Variants in B3GALT1 observed in about 807,000 individuals in gnomAD.
The protein encoded by B3GALT1 is UDP-Gal:betaGlcNAc beta 1,3-galactosyltransferase, polypeptide 1.
In B3GALT1, 10 loss-of-function variants were observed where a neutral mutation model predicts 23.2. The observed-to-expected ratio is 0.43, with a 90% confidence interval of 0.27 to 0.73. B3GALT1 has a LOEUF of 0.73. B3GALT1 is among the 30% of genes least tolerant of loss of function. B3GALT1 has a pLI of 0.21. For synonymous variants in B3GALT1, 156 were observed against 141.5 expected (o/e 1.10, Z -0.73); for missense variants, 299 against 405.4 (o/e 0.74, Z 2.25).
At chr2:167,464,840 A>G (rs1310504384) in intron 1 of B3GALT1, among the ~76,000 whole-genome samples, 1 of 152,208 alleles carries the variant, frequency 6.6e-6, no homozygotes, top group East Asian at 1.9e-4. Context: ...TGTATTATCC[A>G]CAGCATGATT....
At chr2:167,699,846 G>T (rs574206880) in intron 3 of B3GALT1, among the ~76,000 whole-genome samples, 2 of 152,168 alleles carry the variant, frequency 1.3e-5, no homozygotes, top group South Asian at 4.2e-4. Context: ...CTGAGTAGTT[G>T]GGATTAGAGG....
At chr2:167,446,548 A>T (rs1574082493) in intron 1 of B3GALT1, among the ~76,000 whole-genome samples, 1 of 152,218 alleles carries the variant, frequency 6.6e-6, no homozygotes, top group East Asian at 1.9e-4. Flanking sequence ...TATTTCTTGG[A>T]GGCTTTGTTC....
At chr2:167,822,081 A>C (rs568221113) in intron 4 of B3GALT1, among the ~76,000 whole-genome samples, 2 of 152,298 alleles carry the variant, frequency 1.3e-5, no homozygotes, top group Admixed American at 1.3e-4. Flanking sequence ...AGTGAGTGGC[A>C]GACCAAGGAA....
At chr2:167,547,021 C>T (rs1266432453) in intron 2 of B3GALT1, among the ~76,000 whole-genome samples, 1 of 152,164 alleles carries the variant, frequency 6.6e-6, no homozygotes, top group Non-Finnish European at 1.5e-5. Flanking sequence ...GAGCTGGGCA[C>T]CCAGGCTGCT....
intron 3 of B3GALT1, among the ~76,000 whole-genome samples, chr2:167,691,478 A>C (rs1157390296): frequency 6.6e-6 from 1 of 152,144 alleles, no homozygotes; most frequent in African/African-American, 2.4e-5. Context: ...ACATTTAGTA[A>C]AAATTAATAC....
chr2:167,859,352 T>C (rs1690056806), intron 4 of B3GALT1, among the ~76,000 whole-genome samples: 1 of 152,176 alleles, frequency 6.6e-6, no homozygotes, highest in Admixed American at 6.5e-5. Flanking sequence ...ATTGTAGTGA[T>C]GTTAAAAAAT....
In B3GALT1 at chr2:167,380,733, G is replaced by GCT. The variant is rs1332081894; in HGVS notation, c.-511+87403_-511+87404dup. ...TTCCAGGGCGTGGGAGAAACAAAGT[G>GCT]CTCTCCCTTGCCCTGGGTTGTTCGG... On this transcript the variant is annotated intron_variant, in intron 1 of 4. Transcript: ENST00000392690. Among the ~76,000 whole-genome samples the GCT allele has an allele frequency of 2.0e-5, 3 of 152,146 alleles. No homozygotes were observed. In the East Asian group the frequency reaches 5.8e-4, roughly 29 times the overall value.
chr2:167,627,729 T>G (rs1685371122), intron 2 of B3GALT1, among the ~76,000 whole-genome samples: 1 of 151,674 alleles, frequency 6.6e-6, no homozygotes, highest in Non-Finnish European at 1.5e-5. Flanking sequence ...GTATGCTAAA[T>G]TTTTAAAATA....
Position 167,559,354 on chromosome 2 carries a change from G to GA in B3GALT1, c.-410+69083dup, listed in dbSNP as rs541891906. On this transcript the variant is annotated intron_variant, in intron 2 of 4. Transcript: ENST00000392690. ...AAGTAGATAAAACCACAAAGATGGGGAAAAAACAGAGCAGAAAAACTGGAA... is the reference window on the plus strand; with the variant it reads ...AAGTAGATAAAACCACAAAGATGGGGAAAAAAACAGAGCAGAAAAACTGGAA... Among the ~76,000 whole-genome samples the GA allele has an allele frequency of 1.5e-3, 221 of 152,200 alleles. 1 individual carries two copies. The highest frequency in any genetic ancestry group is 4.9e-3 in the African/African-American group (203 of 41,516).
intron 1 of B3GALT1, among the ~76,000 whole-genome samples, chr2:167,342,271 C>A (rs180703335): frequency 3.5e-4 from 53 of 152,156 alleles, no homozygotes; most frequent in Non-Finnish European, 6.2e-4. Flanking sequence ...TCAATACTTC[C>A]CAACATGAAG....
At chr2:167,638,765 A>C (rs2105453486) in intron 2 of B3GALT1, among the ~76,000 whole-genome samples, 1 of 152,150 alleles carries the variant, frequency 6.6e-6, no homozygotes, top group East Asian at 1.9e-4. Context: ...AAAAAATTTA[A>C]ATAGAATCTT....
chr2:167,713,033 G>A (rs150710822), intron 3 of B3GALT1, among the ~76,000 whole-genome samples: 1 of 152,286 alleles, frequency 6.6e-6, no homozygotes, highest in African/African-American at 2.4e-5. Context: ...AGAGGCCCAT[G>A]GATTTTGCAG....
chr2:167,544,974 C>T (rs972220311), intron 2 of B3GALT1, among the ~76,000 whole-genome samples: 3 of 148,332 alleles, frequency 2.0e-5, no homozygotes, highest in African/African-American at 7.5e-5. Context: ...GAAAGTAAAG[C>T]TTCCATGTGG....
rs1327608464 is a variant in B3GALT1 at position 167,798,040 on chromosome 2, C to G, written c.-351-20632C>G. Among the ~76,000 whole-genome samples, 3 of 152,150 alleles carry G rather than the reference C, an allele frequency of 2.0e-5. No individual in the cohort carries two copies. The East Asian group carries it at 5.8e-4, about 29-fold the overall frequency. ...TTTTGGTTTGCATTTCTCTAATGATCTATGACATTGAGCTTTTTATCATAT... is the reference window on the plus strand; with the variant it reads ...TTTTGGTTTGCATTTCTCTAATGATGTATGACATTGAGCTTTTTATCATAT... On this transcript the variant is annotated intron_variant, in intron 3 of 4. Coordinates refer to ENST00000392690, the MANE Select transcript of B3GALT1 (RefSeq NM_020981.4).
chr2:167,684,645 A>T (rs1388364259), intron 3 of B3GALT1, among the ~76,000 whole-genome samples: 2 of 152,236 alleles, frequency 1.3e-5, no homozygotes, highest in African/African-American at 2.4e-5. Context: ...AAAAGTTTTT[A>T]TGGTGATATT....
chr2:167,844,850 G>T (rs1689723109), intron 4 of B3GALT1, among the ~76,000 whole-genome samples: 1 of 152,176 alleles, frequency 6.6e-6, no homozygotes, highest in South Asian at 2.1e-4. Flanking sequence ...GCCTGGGGCA[G>T]GTTTTCAAGC....
chr2:167,649,804 G>A (rs534655866), intron 3 of B3GALT1, among the ~76,000 whole-genome samples: 11 of 151,922 alleles, frequency 7.2e-5, no homozygotes, highest in South Asian at 4.1e-4. Flanking sequence ...AGCTCCAATC[G>A]TTTTTTGTTT....
intron 3 of B3GALT1, among the ~76,000 whole-genome samples, chr2:167,659,765 G>A (rs946502876): frequency 6.6e-6 from 1 of 151,958 alleles, no homozygotes; most frequent in African/African-American, 2.4e-5. Flanking sequence ...TAATGTAGCT[G>A]ATATCCCTGC....
intron 1 of B3GALT1, among the ~76,000 whole-genome samples, chr2:167,360,365 C>T (rs1697481775): frequency 6.6e-6 from 1 of 152,140 alleles, no homozygotes; most frequent in Non-Finnish European, 1.5e-5. Flanking sequence ...GAACATCATT[C>T]TTGATCAAGG....
Sources: gnomAD v4.1 joint callset for allele counts (sites outside exome capture counted in the v4.1 genomes callset) on GRCh38, gnomAD v4.1.1 for gene constraint, MANE v1.5 for transcripts, NCBI Gene and HGNC (gene_info 2026-07-23, HGNC 2026-07-21) for gene names.